DOCK2: variants seen among roughly 807,000 people sequenced by gnomAD.
DOCK2 encodes dedicator of cytokinesis protein 2.
A neutral mutation model predicts 248.9 loss-of-function variants in DOCK2; 87 were observed. The observed-to-expected ratio is 0.35, with a 90% CI of 0.29 to 0.42. DOCK2 has a LOEUF of 0.42. Ranked by LOEUF, DOCK2 falls within the 10% of genes least tolerant of loss-of-function variation. DOCK2 has a pLI of 1.00. For missense variants in DOCK2, 1,747 were observed against 2,300.2 expected (o/e 0.76, Z 4.92); for synonymous variants, 805 against 821.6 (o/e 0.98, Z 0.35).
intron 14 of DOCK2, among the ~76,000 whole-genome samples, chr5:169,707,262 G>A (rs908835641): frequency 6.6e-6 from 1 of 152,178 alleles, no homozygotes; most frequent in African/African-American, 2.4e-5. Context: ...ACCTCTGAGG[G>A]TGATTTTTAT....
chr5:169,640,124 T>C (rs2113074263), intron 1 of DOCK2, among the ~76,000 whole-genome samples: 1 of 152,352 alleles, frequency 6.6e-6, no homozygotes, highest in African/African-American at 2.4e-5. Context: ...TCATTTTAAC[T>C]TAATAATTCC....
At chr5:169,873,481 T>C (rs1031068963) in intron 27 of DOCK2, among the ~76,000 whole-genome samples, 3 of 152,242 alleles carry the variant, frequency 2.0e-5, no homozygotes, top group African/African-American at 7.2e-5. Flanking sequence ...TGCAAATGCA[T>C]CTGTGATTAC....
chr5:169,887,145 G>T (rs1367787592), intron 27 of DOCK2, among the ~76,000 whole-genome samples: 2 of 152,166 alleles, frequency 1.3e-5, no homozygotes, highest in African/African-American at 4.8e-5. Flanking sequence ...GGACTGGAAA[G>T]ATTAATATTT....
At position 169,702,535 on chromosome 5, in the gene DOCK2, T is replaced by C; in HGVS notation, c.1383+108T>C. 6.5e-6 allele frequency: 10 copies of C among 1,529,014 alleles called. No individual in the cohort carries two copies. In the South Asian group the frequency reaches 1.1e-4, roughly 17 times the overall value. The allele number at this position is 1,529,014 out of a possible 1,614,324, so 94.7% of individuals were successfully genotyped here. A position where few individuals can be genotyped will look rare whatever the true frequency, so the allele number is the denominator to read the frequency against. On this transcript the variant is annotated intron_variant, in intron 14 of 51. Coordinates refer to ENST00000520908, the MANE Select transcript of DOCK2 (RefSeq NM_004946.3). ...TTCTGTTGTCTAAATGCCAGGTGCC[T>C]TTGGGATGGTGTTGAATAATGTGTT...
At chr5:170,039,005 C>T (rs1016472850) in intron 36 of DOCK2, among the ~76,000 whole-genome samples, 27 of 152,164 alleles carry the variant, frequency 1.8e-4, no homozygotes, top group Admixed American at 9.8e-4. Flanking sequence ...CGGTTAACTC[C>T]GATTGGCAGA....
chr5:169,647,239 G>A (rs751754912), intron 1 of DOCK2, among the ~76,000 whole-genome samples: 1 of 152,134 alleles, frequency 6.6e-6, no homozygotes, highest in Non-Finnish European at 1.5e-5. Context: ...GGTGCTCAGC[G>A]GCTGCTGATT....
At chr5:169,814,931 A>G (rs1767975595) in intron 26 of DOCK2, among the ~76,000 whole-genome samples, 1 of 152,210 alleles carries the variant, frequency 6.6e-6, no homozygotes, top group Non-Finnish European at 1.5e-5. Flanking sequence ...AACTGTCTCA[A>G]CCAATCAGAA....
At chr5:169,925,578 T>TAA (rs1561828965) in intron 27 of DOCK2, among the ~76,000 whole-genome samples, 2,721 of 32,274 alleles carry the variant, frequency 0.084, 891 homozygotes, top group African/African-American at 0.32. Flanking sequence ...AGACTCTGTC[T>TAA]TAAAAAAAAA....
intron 27 of DOCK2, among the ~76,000 whole-genome samples, chr5:169,968,720 A>G (rs1777390119): frequency 6.6e-6 from 1 of 152,152 alleles, no homozygotes; most frequent in Non-Finnish European, 1.5e-5. Context: ...TAGGAAGGGT[A>G]CTCCCTGGGT....
intron 26 of DOCK2, among the ~76,000 whole-genome samples, chr5:169,809,298 G>C (rs934050335): frequency 2.0e-5 from 3 of 152,162 alleles, no homozygotes; most frequent in African/African-American, 7.2e-5. Context: ...GCCAGGTTTT[G>C]ATGTTTTTGT....
At chr5:169,762,614 C>A (rs1268431225) in intron 25 of DOCK2, among the ~76,000 whole-genome samples, 1 of 152,152 alleles carries the variant, frequency 6.6e-6, no homozygotes, top group South Asian at 2.1e-4. Context: ...ATGGATCATG[C>A]CTTTTGCTCC....
At chr5:169,932,882 A>C (rs1323174890) in intron 27 of DOCK2, among the ~76,000 whole-genome samples, 1 of 152,172 alleles carries the variant, frequency 6.6e-6, no homozygotes, top group East Asian at 1.9e-4. Context: ...AAATAACTAC[A>C]AGAATATTCT....
intron 14 of DOCK2, among the ~76,000 whole-genome samples, chr5:169,702,861 T>C (rs1479028613): frequency 1.3e-5 from 2 of 152,130 alleles, no homozygotes; most frequent in Non-Finnish European, 2.9e-5. Context: ...CAGGATGTGC[T>C]TAAAGCAGGC....
At chr5:169,879,524 G>A (rs146267057) in intron 27 of DOCK2, among the ~76,000 whole-genome samples, 1 of 152,164 alleles carries the variant, frequency 6.6e-6, no homozygotes, top group Non-Finnish European at 1.5e-5. Flanking sequence ...ATGGTAATGA[G>A]GGATATATGC....
intron 22 of DOCK2, among the ~76,000 whole-genome samples, chr5:169,723,980 C>T (rs1354844217): frequency 6.6e-6 from 1 of 152,160 alleles, no homozygotes; most frequent in East Asian, 1.9e-4. Flanking sequence ...CCCCCTTTCA[C>T]AAAGAAGGAG....
chr5:170,029,290 T>C (rs1756040322), intron 34 of DOCK2, among the ~76,000 whole-genome samples: 1 of 152,222 alleles, frequency 6.6e-6, no homozygotes, highest in African/African-American at 2.4e-5. Flanking sequence ...TAAAATGATA[T>C]CTCATTGTGG....
chr5:170,081,848 C>T lies in DOCK2; in HGVS notation c.5294C>T (p.Ala1765Val), dbSNP rs141274816. The change falls in exon 51 of 52, where the codon GCG becomes GTG. Residue 1765 changes from alanine to valine, a missense_variant. Coordinates refer to ENST00000520908, the MANE Select transcript of DOCK2 (RefSeq NM_004946.3). ...SQSMPTIPALALSVAGIPGLD... is the reference protein window; with the variant it reads ...SQSMPTIPALVLSVAGIPGLD... Reference sequence around the variant, plus strand: ...AGCTCTGCTCTCCTTCCAGCCCTGGCGCTCTCAGTGGCAGGCATCCCTGGG... The same window carrying T: ...AGCTCTGCTCTCCTTCCAGCCCTGGTGCTCTCAGTGGCAGGCATCCCTGGG... The T allele has an allele frequency of 7.0e-5, 113 of 1,612,244 alleles. 1 individual carries two copies. The highest frequency in any genetic ancestry group is 8.6e-5 in the Non-Finnish European group (102 of 1,179,422).
intron 44 of DOCK2, among the ~76,000 whole-genome samples, chr5:170,064,771 C>T (rs1041559885): frequency 7.2e-5 from 11 of 152,018 alleles, no homozygotes; most frequent in Non-Finnish European, 1.5e-4. Context: ...CAAAGGACAA[C>T]AAATCAGATA....
At position 170,075,955 on chromosome 5, in the gene DOCK2, C is replaced by T; in HGVS notation, c.4737C>T (p.Phe1579=). The T allele has an allele frequency of 6.2e-7, 1 of 1,614,126 alleles. No individual in the cohort carries two copies. ...LKDLIAWQIP[F]LGAGIKIHEK... is the part of the protein sequence containing the mutation. ...TACCACTTTCTCTCCAGATCCCCTT[C>T]TTGGGAGCTGGGATTAAGATCCATG... The change falls in exon 47 of 52, where the codon TTC becomes TTT. Residue 1579 remains phenylalanine, a synonymous_variant. Transcript: ENST00000520908.
Sources: gnomAD v4.1 joint callset for allele counts (sites outside exome capture counted in the v4.1 genomes callset) on GRCh38, gnomAD v4.1.1 for gene constraint, MANE v1.5 for transcripts, NCBI Gene and HGNC (gene_info 2026-07-23, HGNC 2026-07-21) for gene names.